The following NMNAT3 variants were observed in gnomAD, a reference collection of about 807,000 sequenced individuals.
NMNAT3 encodes nicotinamide nucleotide adenylyltransferase 3.
In NMNAT3, 21 loss-of-function variants were observed where a neutral mutation model predicts 24.8. That is an observed-to-expected ratio of 0.85 (90% confidence interval 0.60 to 1.22). The LOEUF is 1.22. Among genes scored for constraint, NMNAT3 ranks in the 50% most tolerant of loss-of-function variants. The probability of loss-of-function intolerance (pLI) is 0.00; values close to 1 mark genes in which losing one functional copy is unlikely to be tolerated. For missense variants in NMNAT3, 387 were observed against 436.6 expected, an observed-to-expected ratio of 0.89 and a Z score of 1.01; for synonymous variants, 136 against 155.2, an observed-to-expected ratio of 0.88 and a Z score of 0.92.
chr3:139,654,750 T>C (rs2057179933), intron 1 of NMNAT3, among the ~76,000 whole-genome samples: 1 of 152,236 alleles, frequency 6.6e-6, no homozygotes, highest in Non-Finnish European at 1.5e-5. Flanking sequence ...TAACTGTGCT[T>C]TTCAAAGACA....
At chr3:139,598,792 G>C (rs1431253658) in intron 3 of NMNAT3, among the ~76,000 whole-genome samples, 10 of 152,136 alleles carry the variant, frequency 6.6e-5, no homozygotes, top group Admixed American at 5.9e-4. Context: ...TTTTCCCATG[G>C]TTATACTACC....
At chr3:139,624,510 C>T (rs145508423) in intron 3 of NMNAT3, among the ~76,000 whole-genome samples, 8,167 of 151,674 alleles carry the variant, frequency 0.054, 289 homozygotes, top group Middle Eastern at 0.15. Flanking sequence ...TGCAGTGGCA[C>T]GATCTCGGCT....
intron 2 of NMNAT3, chr3:139,636,344 A>G (rs1189336816): frequency 1.3e-5 from 2 of 152,174 alleles, no homozygotes; most frequent in African/African-American, 4.8e-5. Flanking sequence ...GGAAAAAAAA[A>G]AACTACCATA....
At chr3:139,591,850 A>G (rs2054203301) in intron 3 of NMNAT3, among the ~76,000 whole-genome samples, 1 of 152,264 alleles carries the variant, frequency 6.6e-6, no homozygotes, top group African/African-American at 2.4e-5. Context: ...AAAAGTAGAT[A>G]AAACCACAAA....
chr3:139,566,638 G>C (rs1937271719), intron 6 of NMNAT3: 1 of 152,092 alleles, frequency 6.6e-6, no homozygotes, highest in South Asian at 2.1e-4. Context: ...CCCATTGCTT[G>C]TTTTTCTCAG....
At chr3:139,566,478 G>T (rs965258550) in intron 6 of NMNAT3, 1 of 152,098 alleles carries the variant, frequency 6.6e-6, no homozygotes, top group African/African-American at 2.4e-5. Context: ...TTTTCTTCTA[G>T]GGTTTTTATG....
At position 139,570,145 on chromosome 3, in the gene NMNAT3, G is replaced by T. The variant is rs374258792; in HGVS notation, c.658+3453C>A. The T allele has an allele frequency of 3.9e-5, 6 of 152,148 alleles. No homozygotes were observed. In the South Asian group the frequency reaches 8.3e-4, roughly 21 times the overall value. 9.4% of individuals were successfully genotyped at this position (152,148 alleles called of 1,614,324 possible). Reference sequence around the variant, plus strand: ...TCCAGTTGATCGCATCGGCTCCTGAGGCTTCTACATTCGTCAGGTAGCTCT... The same window carrying T: ...TCCAGTTGATCGCATCGGCTCCTGATGCTTCTACATTCGTCAGGTAGCTCT... On this transcript the variant is annotated intron_variant, in intron 6 of 6. Coordinates refer to ENST00000643695, the MANE Select transcript of NMNAT3 (RefSeq NM_001320510.2).
chr3:139,573,312 C>A (rs957249448), intron 6 of NMNAT3, among the ~76,000 whole-genome samples: 5 of 152,272 alleles, frequency 3.3e-5, no homozygotes, highest in Non-Finnish European at 5.9e-5. Context: ...CCCTGTGTGA[C>A]CCTGACTATA....
intron 1 of NMNAT3, among the ~76,000 whole-genome samples, chr3:139,674,675 C>A (rs1001689691): frequency 6.6e-6 from 1 of 152,142 alleles, no homozygotes; most frequent in East Asian, 1.9e-4. Flanking sequence ...AAGTTGATTT[C>A]ATTTCACACA....
chr3:139,663,224 G>T (rs913021274), intron 1 of NMNAT3, among the ~76,000 whole-genome samples: 1 of 152,126 alleles, frequency 6.6e-6, no homozygotes, highest in Non-Finnish European at 1.5e-5. Flanking sequence ...GGGCAGTCCA[G>T]TTTTTCTCAT....
intron 3 of NMNAT3, chr3:139,599,290 C>T (rs1212822536): frequency 1.3e-5 from 9 of 701,906 alleles, no homozygotes; most frequent in East Asian, 2.7e-5. Context: ...ACTAATTTGC[C>T]TCTTCCCTTT....
chr3:139,573,737 C>G, intron 5 of NMNAT3, 57 bp from the exon 6 acceptor site: 2 of 971,768 alleles, frequency 2.1e-6, no homozygotes, highest in East Asian at 2.7e-5. Flanking sequence ...TCAAAGCCAC[C>G]CAGGGATTTT....
Position 139,582,984 on chromosome 3 carries a change from A to T in NMNAT3, c.334T>A (p.Phe112Ile). ...GTTTGGTTCCAGGTGCTATCTATAA[A>T]TATAATTTTTTTCAGTGTTGTGCCT... Residue 112 changes from phenylalanine to isoleucine, a missense_variant, in exon 4 of 7, where the codon TTT becomes ATT. Transcript: ENST00000643695. The T allele has an allele frequency of 2.5e-6, 4 of 1,581,842 alleles. No homozygotes were observed. Among genetic ancestry groups the T allele is most frequent in the Non-Finnish European group, 3.4e-6 (4 of 1,167,080 alleles).
intron 1 of NMNAT3, among the ~76,000 whole-genome samples, chr3:139,662,959 C>T (rs2057464213): frequency 6.6e-6 from 1 of 152,226 alleles, no homozygotes; most frequent in African/African-American, 2.4e-5. Flanking sequence ...GGAGGTACGA[C>T]TATTCCCCTT....
chr3:139,566,112 G>T (rs1223423151), intron 6 of NMNAT3: 5 of 152,106 alleles, frequency 3.3e-5, no homozygotes, highest in Non-Finnish European at 5.9e-5. Flanking sequence ...CTGATGGCCA[G>T]TGATGATGAG....
intron 1 of NMNAT3, among the ~76,000 whole-genome samples, chr3:139,663,371 A>G (rs1042735993): frequency 1.3e-5 from 2 of 152,208 alleles, no homozygotes; most frequent in East Asian, 3.9e-4. Context: ...TTCATCTGCA[A>G]TCTTAATGCC....
intron 3 of NMNAT3, among the ~76,000 whole-genome samples, chr3:139,610,929 T>C (rs1480061699): frequency 1.7e-4 from 26 of 152,330 alleles, no homozygotes; most frequent in Admixed American, 1.4e-3. Context: ...GTGTAAATGA[T>C]ATTACAATAA....
chr3:139,593,474 A>G (rs934446248), intron 3 of NMNAT3, among the ~76,000 whole-genome samples: 3 of 152,192 alleles, frequency 2.0e-5, no homozygotes, highest in Admixed American at 6.5e-5. Flanking sequence ...ATAGACATCT[A>G]CAGAAGTCTC....
intron 6 of NMNAT3, chr3:139,565,448 G>A (rs868292252): frequency 6.6e-6 from 1 of 152,062 alleles, no homozygotes; most frequent in Non-Finnish European, 1.5e-5. Flanking sequence ...TGCCATGTTG[G>A]TGTGCTGCAC....
Sources: allele counts gnomAD v4.1 joint callset (sites outside exome capture counted in the v4.1 genomes callset), GRCh38; gene constraint gnomAD v4.1.1; transcripts MANE v1.5; gene names NCBI Gene and HGNC (gene_info 2026-07-23, HGNC 2026-07-21).